Variants in PPP3R1 observed in about 807,000 individuals in gnomAD.
The protein encoded by PPP3R1 is protein phosphatase 3 regulatory subunit B, alpha.
A neutral mutation model predicts 22.6 loss-of-function variants in PPP3R1; 5 were observed. That is an observed-to-expected ratio of 0.22 (90% CI 0.12 to 0.46). The LOEUF (loss-of-function observed/expected upper bound fraction) is 0.46. Among genes scored for constraint, PPP3R1 ranks in the 20% least tolerant of loss-of-function variants. PPP3R1 has a pLI of 0.99. For synonymous variants in PPP3R1, 56 were observed against 65.2 expected, an observed-to-expected ratio of 0.86 and a Z score of 0.68; for missense variants, 61 against 203.2, an observed-to-expected ratio of 0.30 and a Z score of 4.25.
chr2:68,216,518 C>T (rs1206094422), intron 2 of PPP3R1, among the ~76,000 whole-genome samples: 2 of 151,902 alleles, frequency 1.3e-5, no homozygotes, highest in African/African-American at 2.4e-5. Flanking sequence ...GTGCCTTGTC[C>T]ATCTCTTCTT....
chr2:68,221,043 C>G (rs1669679190), intron 1 of PPP3R1, among the ~76,000 whole-genome samples: 1 of 151,328 alleles, frequency 6.6e-6, no homozygotes, highest in Non-Finnish European at 1.5e-5. Context: ...ACAAAAAATA[C>G]AAAAAAGGCC....
chr2:68,248,412 A>C (rs1382011295), intron 1 of PPP3R1, among the ~76,000 whole-genome samples: 1 of 152,208 alleles, frequency 6.6e-6, no homozygotes, highest in Non-Finnish European at 1.5e-5. Context: ...GATAACAATT[A>C]TGTCTTAAGT....
intron 2 of PPP3R1, among the ~76,000 whole-genome samples, chr2:68,204,993 ATTAT>A (rs1298539771): frequency 6.6e-6 from 1 of 152,208 alleles, no homozygotes; most frequent in African/African-American, 2.4e-5. Flanking sequence ...TAATTAAATA[ATTAT>A]TTCTTATTGA....
intron 2 of PPP3R1, among the ~76,000 whole-genome samples, chr2:68,196,353 CA>C (rs1226825095): frequency 2.0e-5 from 3 of 152,128 alleles, no homozygotes; most frequent in African/African-American, 7.2e-5. Flanking sequence ...CAAAAAGCTC[CA>C]AAAAAATTTT....
chr2:68,188,028 G>C (rs879491994), intron 3 of PPP3R1, among the ~76,000 whole-genome samples: 4 of 152,142 alleles, frequency 2.6e-5, no homozygotes, highest in Non-Finnish European at 5.9e-5. Context: ...AAATTAGCCA[G>C]GTGTGGTGGC....
Position 68,179,019 on chromosome 2 carries a change from AAAAG to A in PPP3R1, c.*1940_*1943del, listed in dbSNP as rs1324154398. 3 of 152,188 alleles carry A rather than the reference AAAAG, an allele frequency of 2.0e-5. No individual in the cohort carries two copies. The highest frequency in any genetic ancestry group is 4.4e-5 in the Non-Finnish European group (3 of 67,926). The allele number at this position is 152,188 out of a possible 1,614,324, so 9.4% of individuals were successfully genotyped here. A position where few individuals can be genotyped will look rare whatever the true frequency, so the allele number is the denominator to read the frequency against. On this transcript the variant is annotated 3_prime_UTR_variant, in exon 6 of 6. Coordinates refer to ENST00000234310, the MANE Select transcript of PPP3R1 (RefSeq NM_000945.4). ...CTAAAAAAAAAAAAAAAAAAAAAGA[AAAAG>A]AAAAAACCCTCATTCCCCGGTAAGG...
At chr2:68,203,781 A>G (rs1336263450) in intron 2 of PPP3R1, among the ~76,000 whole-genome samples, 2 of 152,170 alleles carry the variant, frequency 1.3e-5, no homozygotes, top group East Asian at 1.9e-4. Context: ...CTCAAACCAG[A>G]AACAAAACTG....
intron 1 of PPP3R1, among the ~76,000 whole-genome samples, 186 bp downstream of exon 1, chr2:68,251,939 C>G (rs1384364009): frequency 6.8e-6 from 1 of 147,080 alleles, no homozygotes; most frequent in Non-Finnish European, 1.5e-5. Context: ...CCGCCGCCGT[C>G]CTGTCAGCAG....
intron 3 of PPP3R1, 27 bp from the exon 4 acceptor site, chr2:68,187,341 A>C (rs1227244149): frequency 6.3e-7 from 1 of 1,579,438 alleles, no homozygotes; most frequent in Admixed American, 1.7e-5. Flanking sequence ...AATGTTCACA[A>C]ATCAGAACTT....
At chr2:68,200,593 C>T (rs762477465) in intron 2 of PPP3R1, among the ~76,000 whole-genome samples, 1 of 152,132 alleles carries the variant, frequency 6.6e-6, no homozygotes, top group African/African-American at 2.4e-5. Context: ...GTAAGCTGCT[C>T]GATGTTATAA....
chr2:68,232,216 T>TAATATACATATAC (rs1558641406), intron 1 of PPP3R1, among the ~76,000 whole-genome samples: 1 of 56,118 alleles, frequency 1.8e-5, no homozygotes, highest in African/African-American at 1.3e-4. Flanking sequence ...ATATTGTATA[T>TAATATACATATAC]GTATATATGT....
chr2:68,215,405 A>G (rs1353916541), intron 2 of PPP3R1, among the ~76,000 whole-genome samples: 1 of 152,200 alleles, frequency 6.6e-6, no homozygotes, highest in Non-Finnish European at 1.5e-5. Context: ...TTCCCTGTCC[A>G]TAAGGAAGCC....
intron 1 of PPP3R1, among the ~76,000 whole-genome samples, chr2:68,243,332 T>C (rs567131780): frequency 6.6e-6 from 1 of 152,190 alleles, no homozygotes; most frequent in African/African-American, 2.4e-5. Flanking sequence ...AGAATTATAC[T>C]GTCAATTCAC....
Position 68,188,709 on chromosome 2 carries a change from G to A in PPP3R1, c.44-19C>T. On this transcript the variant is annotated intron_variant, in intron 2 of 5. Transcript: ENST00000234310. ...GCATCAACTAAAAGCAAACAAAAAA[G>A]GAAGCAAGAATTTTTTAAAAATGTT... 1 of 1,545,752 alleles carries A rather than the reference G, an allele frequency of 6.5e-7. No individual in the cohort carries two copies. Among genetic ancestry groups the A allele is most frequent in the African/African-American group, 1.4e-5 (1 of 71,764 alleles).
chr2:68,222,238 CTG>C (rs770859248), intron 1 of PPP3R1, among the ~76,000 whole-genome samples: 7 of 152,074 alleles, frequency 4.6e-5, no homozygotes, highest in Admixed American at 6.5e-5. Context: ...AAGAGAAACA[CTG>C]TATCATTATT....
At position 68,179,012 on chromosome 2, in the gene PPP3R1, A is replaced by AAAG. The variant is rs1674348173; in HGVS notation, c.*1950_*1951insCTT. On this transcript the variant is annotated 3_prime_UTR_variant, in exon 6 of 6. Transcript: ENST00000234310. ...ACACAAACTAAAAAAAAAAAAAAAA[A>AAAG]AAAAGAAAAAGAAAAAACCCTCATT... 6.6e-6 allele frequency: 1 copy of AAAG among 151,128 alleles called. No homozygotes were observed. 9.4% of individuals were successfully genotyped at this position (151,128 alleles called of 1,614,324 possible).
chr2:68,239,403 G>A (rs1670076405), intron 1 of PPP3R1, among the ~76,000 whole-genome samples: 1 of 152,134 alleles, frequency 6.6e-6, no homozygotes, highest in South Asian at 2.1e-4. Context: ...AGTGAAGAGA[G>A]TAAAAAAGTA....
chr2:68,190,095 TACTATCAAAGTAAAA>T (rs1390816627), intron 2 of PPP3R1, among the ~76,000 whole-genome samples: 1 of 150,770 alleles, frequency 6.6e-6, no homozygotes, highest in Admixed American at 6.6e-5. Flanking sequence ...TAGAACTATA[TACTATCAAAGTAAAA>T]ACTACAGCTA....
chr2:68,214,104 T>C (rs981886419), intron 2 of PPP3R1, among the ~76,000 whole-genome samples: 5 of 152,146 alleles, frequency 3.3e-5, no homozygotes, highest in African/African-American at 9.7e-5. Context: ...AAGACTGAAA[T>C]TGGACCCCCT....
Sources: gnomAD v4.1 joint callset for allele counts (sites outside exome capture counted in the v4.1 genomes callset) on GRCh38, gnomAD v4.1.1 for gene constraint, MANE v1.5 for transcripts, NCBI Gene and HGNC (gene_info 2026-07-23, HGNC 2026-07-21) for gene names.